The following CCDC171 variants were observed in gnomAD, a reference collection of about 807,000 sequenced individuals.
CCDC171 encodes the protein coiled-coil domain-containing protein 171.
CCDC171 carries 177 observed loss-of-function variants against 168.2 expected under a neutral mutation model. That is an observed-to-expected ratio of 1.05 (90% CI 0.93 to 1.19). CCDC171 has a LOEUF of 1.19. Ranked by LOEUF, CCDC171 falls within the 50% of genes most tolerant of loss-of-function variation. The pLI is 0.00. For synonymous variants in CCDC171, 687 were observed against 540.8 expected (o/e 1.27, Z -3.75); for missense variants, 1,991 against 1,539.0 (o/e 1.29, Z -4.91).
At chr9:15,565,829 T>A (rs1183368537) in intron 2 of CCDC171, among the ~76,000 whole-genome samples, 2 of 152,254 alleles carry the variant, frequency 1.3e-5, no homozygotes, top group Non-Finnish European at 2.9e-5. Context: ...TTTGCATATG[T>A]CTTTGTGTTG....
At chr9:15,761,123 G>A (rs576559314) in intron 18 of CCDC171, among the ~76,000 whole-genome samples, 2 of 152,278 alleles carry the variant, frequency 1.3e-5, no homozygotes, top group South Asian at 4.1e-4. Context: ...GGAGTAGATG[G>A]ACATAAGTAG....
chr9:16,047,463 G>A (rs1833679909), intron 1 of CCDC171, among the ~76,000 whole-genome samples: 1 of 152,132 alleles, frequency 6.6e-6, no homozygotes, highest in Non-Finnish European at 1.5e-5. Flanking sequence ...AGGTGCCTTT[G>A]GGAGTCATTC....
At chr9:16,034,996 C>G (rs1833436235) in intron 6 of CCDC171, among the ~76,000 whole-genome samples, 1 of 152,168 alleles carries the variant, frequency 6.6e-6, no homozygotes, top group Non-Finnish European at 1.5e-5. Flanking sequence ...CTGCCAGCCC[C>G]CATCTTTCAA....
At chr9:15,792,776 C>A (rs10738413) in intron 21 of CCDC171, among the ~76,000 whole-genome samples, 70,875 of 151,896 alleles carry the variant, frequency 0.47, 16,791 homozygotes, top group East Asian at 0.65. Context: ...CAAATGCTGA[C>A]AGATTTTGTC....
At chr9:15,948,750 G>A (rs10810496) in intron 25 of CCDC171, among the ~76,000 whole-genome samples, 37,801 of 144,650 alleles carry the variant, frequency 0.26, 3,313 homozygotes, top group East Asian at 0.49. Context: ...AGGTTGCGAA[G>A]ATTTTCTCCC....
At chr9:15,873,812 A>G (rs1253489218) in intron 23 of CCDC171, among the ~76,000 whole-genome samples, 1 of 152,112 alleles carries the variant, frequency 6.6e-6, no homozygotes, top group Non-Finnish European at 1.5e-5. Flanking sequence ...TGACTAGAGA[A>G]TTGGTGTTTT....
intron 3 of CCDC171, among the ~76,000 whole-genome samples, chr9:15,989,677 GA>G (rs1167085472): frequency 2.0e-5 from 3 of 151,968 alleles, no homozygotes; most frequent in African/African-American, 7.3e-5. Flanking sequence ...TAAAAACCTT[GA>G]AAAAAAGATT....
chr9:15,670,071 C>A (rs1216417257), intron 9 of CCDC171, among the ~76,000 whole-genome samples: 1 of 152,028 alleles, frequency 6.6e-6, no homozygotes, highest in Non-Finnish European at 1.5e-5. Flanking sequence ...TAAGTCCTGG[C>A]CCTTTCCCAT....
intron 18 of CCDC171, among the ~76,000 whole-genome samples, chr9:15,768,921 T>G (rs2056871573): frequency 6.6e-6 from 1 of 152,166 alleles, no homozygotes; most frequent in African/African-American, 2.4e-5. Flanking sequence ...AATTAACACT[T>G]TAGCTAGATA....
chr9:15,623,455 T>C (rs766659938), intron 7 of CCDC171, 42 bp downstream of exon 7: 2 of 992,292 alleles, frequency 2.0e-6, no homozygotes, highest in Non-Finnish European at 2.8e-6. Flanking sequence ...GCGTACAAAC[T>C]TTCACATATG....
chr9:15,787,391 G>T (rs1402953191), intron 21 of CCDC171, among the ~76,000 whole-genome samples: 1 of 151,930 alleles, frequency 6.6e-6, no homozygotes, highest in Non-Finnish European at 1.5e-5. Context: ...ACAGCTTCTG[G>T]TAATCACTTC....
chr9:15,643,576 C>T (rs1286126010), intron 7 of CCDC171, among the ~76,000 whole-genome samples: 2 of 152,140 alleles, frequency 1.3e-5, no homozygotes, highest in East Asian at 1.9e-4. Context: ...ATATACTTCA[C>T]ATATCATAAA....
chr9:15,873,337 T>A (rs1367603091), intron 23 of CCDC171, among the ~76,000 whole-genome samples: 1 of 152,120 alleles, frequency 6.6e-6, no homozygotes, highest in Non-Finnish European at 1.5e-5. Context: ...GGAGAAATTT[T>A]CTATCTTGTA....
At chr9:15,713,897 T>C (rs902010304) in intron 11 of CCDC171, among the ~76,000 whole-genome samples, 2 of 151,462 alleles carry the variant, frequency 1.3e-5, no homozygotes, top group Admixed American at 6.6e-5. Context: ...AGAGTTGATA[T>C]AGCTCTGTGG....
At chr9:15,804,724 G>A (rs1489060291) in intron 21 of CCDC171, among the ~76,000 whole-genome samples, 2 of 152,022 alleles carry the variant, frequency 1.3e-5, no homozygotes, top group South Asian at 2.1e-4. Flanking sequence ...TCAGTTATTG[G>A]TATCAGGATA....
chr9:15,633,324 A>G (rs1006118312), intron 7 of CCDC171, among the ~76,000 whole-genome samples: 2 of 152,236 alleles, frequency 1.3e-5, no homozygotes, highest in African/African-American at 4.8e-5. Flanking sequence ...ACAAATTTAC[A>G]AGAAAAAAAC....
chr9:16,068,680 A>G, the CCDC171 span, among the ~76,000 whole-genome samples: 1 of 152,066 alleles, frequency 6.6e-6, no homozygotes, highest in Non-Finnish European at 1.5e-5. Flanking sequence ...CGTAAATCAC[A>G]GTGCCTGGCA....
intron 7 of CCDC171, among the ~76,000 whole-genome samples, chr9:15,653,427 C>G (rs946549553): frequency 1.2e-4 from 18 of 152,010 alleles, no homozygotes; most frequent in African/African-American, 4.3e-4. Flanking sequence ...CAAGTGTGAG[C>G]CACTGTGCCT....
intron 24 of CCDC171, among the ~76,000 whole-genome samples, chr9:15,909,180 C>T (rs1429428327): frequency 6.6e-6 from 1 of 152,162 alleles, no homozygotes; most frequent in African/African-American, 2.4e-5. Context: ...ATTAATAAAG[C>T]AAGGCTAAGG....
Sources: allele counts gnomAD v4.1 joint callset (sites outside exome capture counted in the v4.1 genomes callset), GRCh38; gene constraint gnomAD v4.1.1; transcripts MANE v1.5; gene names NCBI Gene and HGNC (gene_info 2026-07-23, HGNC 2026-07-21).